The following TMEM178B variants were observed in gnomAD, a reference collection of about 807,000 sequenced individuals.
The protein encoded by TMEM178B is transmembrane protein 178B.
TMEM178B carries 5 observed loss-of-function variants against 31.0 expected under a neutral mutation model. The ratio of observed to expected loss-of-function variants is 0.16; its 90% CI spans 0.08 to 0.34. TMEM178B has a LOEUF of 0.34. Among genes scored for constraint, TMEM178B ranks in the 10% least tolerant of loss-of-function variants. The probability of loss-of-function intolerance (pLI) is 1.00; values close to 1 mark genes in which losing one functional copy is unlikely to be tolerated. For synonymous variants in TMEM178B, 164 were observed against 164.0 expected (o/e 1.00, Z 0.00); for missense variants, 275 against 400.3 (o/e 0.69, Z 2.67).
chr7:141,464,029 C>T (rs928043814), intron 3 of TMEM178B, among the ~76,000 whole-genome samples: 1 of 152,150 alleles, frequency 6.6e-6, no homozygotes, highest in African/African-American at 2.4e-5. Flanking sequence ...TGATCTGTTA[C>T]AGCGGTCTGT....
At chr7:141,486,027 AGAATGTGGTGGTGCATATACCCAACG>A in the TMEM178B span, among the ~76,000 whole-genome samples, 1 of 152,252 alleles carries the variant, frequency 6.6e-6, no homozygotes, top group African/African-American at 2.4e-5. Flanking sequence ...TTAGATAAAG[AGAATGTGGTGGTGCATATACCCAACG>A]GAATACTATT....
chr7:141,258,224 A>G (rs901453380), intron 2 of TMEM178B, among the ~76,000 whole-genome samples: 3 of 151,474 alleles, frequency 2.0e-5, no homozygotes, highest in African/African-American at 7.3e-5. Flanking sequence ...ATATGTTATA[A>G]ACCCCCAGAT....
chr7:141,324,416 GTTTTTTTTTTTTTTTT>G (rs56316531), intron 2 of TMEM178B, among the ~76,000 whole-genome samples: 17 of 85,776 alleles, frequency 2.0e-4, no homozygotes, highest in South Asian at 1.5e-3. Flanking sequence ...GGAGACCAGG[GTTTTTTTTTTTTTTTT>G]TTTTTTTTTT....
chr7:141,381,972 C>G (rs1409282061), intron 2 of TMEM178B, among the ~76,000 whole-genome samples: 1 of 151,788 alleles, frequency 6.6e-6, no homozygotes, highest in East Asian at 1.9e-4. Flanking sequence ...TAGTTAATGT[C>G]TAACTGAGAT....
chr7:141,182,606 G>C (rs1439068287), intron 1 of TMEM178B, among the ~76,000 whole-genome samples: 1 of 152,158 alleles, frequency 6.6e-6, no homozygotes, highest in Admixed American at 6.5e-5. Context: ...AGTTGATAGG[G>C]ACATTGGGTT....
chr7:141,450,893 T>G (rs1391760749), intron 3 of TMEM178B, among the ~76,000 whole-genome samples: 4 of 152,200 alleles, frequency 2.6e-5, no homozygotes, highest in Non-Finnish European at 5.9e-5. Flanking sequence ...GATGGAGTCT[T>G]AATCTAAGGT....
intron 1 of TMEM178B, among the ~76,000 whole-genome samples, chr7:141,195,043 C>T (rs1434310963): frequency 2.0e-5 from 3 of 152,192 alleles, no homozygotes; most frequent in Non-Finnish European, 2.9e-5. Context: ...TGGGCCTGGC[C>T]CATGAAACCA....
chr7:141,169,845 G>GAAAGATAA (rs1247246562), intron 1 of TMEM178B, among the ~76,000 whole-genome samples: 2 of 152,162 alleles, frequency 1.3e-5, no homozygotes, highest in Non-Finnish European at 2.9e-5. Flanking sequence ...CTGGATTAAA[G>GAAAGATAA]AAAGATAAAA....
chr7:141,083,946 A>C (rs1794735027), intron 1 of TMEM178B, among the ~76,000 whole-genome samples: 1 of 151,926 alleles, frequency 6.6e-6, no homozygotes, highest in African/African-American at 2.4e-5. Flanking sequence ...CTGGGATTAC[A>C]GGCACATGCC....
intron 1 of TMEM178B, among the ~76,000 whole-genome samples, chr7:141,127,220 C>T (rs564422187): frequency 3.9e-5 from 6 of 152,124 alleles, no homozygotes; most frequent in Non-Finnish European, 8.8e-5. Context: ...AAATTTAGCT[C>T]GGATAGACCT....
rs576983759 is a variant in TMEM178B at position 141,281,411 on chromosome 7, T to C, written c.496+68707T>C. On this transcript the variant is annotated intron_variant, in intron 2 of 3. Transcript: ENST00000565468. ...TTTCTGGGGTTTAAAAATATCCTTT[T>C]GAAGGAACACTTGTCTACCTTCCAG... Among the ~76,000 whole-genome samples, 31 of 152,288 alleles carry C rather than the reference T, an allele frequency of 2.0e-4. 1 individual carries two copies. The South Asian group carries it at 6.2e-3, about 31-fold the overall frequency.
Position 141,478,657 on chromosome 7 carries a change from A to C in TMEM178B, c.*7871A>C, listed in dbSNP as rs1010355725. ...AGTATCACTTCAGCATGGAATCAAT[A>C]TAAAAATTACTGGGATATTTTACAT... On this transcript the variant is annotated 3_prime_UTR_variant, in exon 4 of 4. Coordinates refer to ENST00000565468, the MANE Select transcript of TMEM178B (RefSeq NM_001195278.2). 6.6e-6 allele frequency: 1 copy of C among 152,250 alleles called. No homozygotes were observed. Among genetic ancestry groups the C allele is most frequent in the Non-Finnish European group, 1.5e-5 (1 of 68,034 alleles). The allele number at this position is 152,250 out of a possible 1,614,324, so 9.4% of individuals were successfully genotyped here.
chr7:141,378,392 G>A (rs1279292660), intron 2 of TMEM178B, among the ~76,000 whole-genome samples: 1 of 152,106 alleles, frequency 6.6e-6, no homozygotes, highest in Non-Finnish European at 1.5e-5. Flanking sequence ...CTCTGGAAAT[G>A]AGTCACTGAG....
intron 2 of TMEM178B, among the ~76,000 whole-genome samples, chr7:141,390,250 G>A (rs1800510733): frequency 6.6e-6 from 1 of 152,108 alleles, no homozygotes. Context: ...GGCTTTGGGG[G>A]CCACACCCTC....
chr7:141,118,772 T>G lies in TMEM178B; in HGVS notation c.382+44080T>G, dbSNP rs147549011. ...GAAAGACTTTGTGGTCAGAAGAAGT[T>G]TGCCTTTGCAAAGAAGAAAGGGTAC... is the stretch of plus-strand genomic sequence containing the variant. On this transcript the variant is annotated intron_variant, in intron 1 of 3. Coordinates refer to ENST00000565468, the MANE Select transcript of TMEM178B (RefSeq NM_001195278.2). Among the ~76,000 whole-genome samples the G allele has an allele frequency of 8.4e-4, 128 of 152,314 alleles. 1 individual carries two copies. In the East Asian group the frequency reaches 0.022, roughly 26 times the overall value.
intron 2 of TMEM178B, among the ~76,000 whole-genome samples, chr7:141,336,852 C>A (rs896332904): frequency 1.4e-5 from 2 of 143,538 alleles, no homozygotes; most frequent in Admixed American, 6.9e-5. Context: ...ATAACCATTA[C>A]CATCACTACC....
At chr7:141,131,283 G>A (rs1795590734) in intron 1 of TMEM178B, among the ~76,000 whole-genome samples, 1 of 152,086 alleles carries the variant, frequency 6.6e-6, no homozygotes, top group South Asian at 2.1e-4. Context: ...TGGTATTTTT[G>A]TGTGCTCTTT....
At chr7:141,265,356 G>A (rs1350757498) in intron 2 of TMEM178B, among the ~76,000 whole-genome samples, 1 of 152,106 alleles carries the variant, frequency 6.6e-6, no homozygotes, top group Non-Finnish European at 1.5e-5. Context: ...CAGGACTGTG[G>A]CGCAGACTTT....
chr7:141,388,606 G>A (rs186055808), intron 2 of TMEM178B, among the ~76,000 whole-genome samples: 16 of 152,272 alleles, frequency 1.1e-4, no homozygotes, highest in African/African-American at 3.9e-4. Context: ...CCTAATCCTA[G>A]AAATGGTTAA....
Sources: gnomAD v4.1 joint callset for allele counts (sites outside exome capture counted in the v4.1 genomes callset) on GRCh38, gnomAD v4.1.1 for gene constraint, MANE v1.5 for transcripts, NCBI Gene and HGNC (gene_info 2026-07-23, HGNC 2026-07-21) for gene names.